PRKCA: variants seen among roughly 807,000 people sequenced by gnomAD.
PRKCA encodes protein kinase C alpha type.
A neutral mutation model predicts 87.0 loss-of-function variants in PRKCA; 27 were observed. That is an observed-to-expected ratio of 0.31 (90% CI 0.23 to 0.43). The LOEUF is 0.43. PRKCA is among the 20% of genes least tolerant of loss of function. The probability of loss-of-function intolerance (pLI) is 1.00; values close to 1 mark genes in which losing one functional copy is unlikely to be tolerated. For synonymous variants in PRKCA, 329 were observed against 311.1 expected (o/e 1.06, Z -0.61); for missense variants, 518 against 852.3 (o/e 0.61, Z 4.88).
intron 14 of PRKCA, 150 bp downstream of exon 14, chr17:66,774,217 C>A: frequency 6.6e-7 from 1 of 1,511,528 alleles, no homozygotes; most frequent in Non-Finnish European, 8.9e-7. Flanking sequence ...GAGAAACGCC[C>A]CCTTCAAAGT....
rs568999963 is a variant in PRKCA at position 66,669,775 on chromosome 17, G to A, written c.530-17336G>A. ...AAATTAGCTGGGCATGGTGATGGGC[G>A]CCTGTAGTCCCAGCTACTCTGGAGG... On this transcript the variant is annotated intron_variant, in intron 5 of 16. Coordinates refer to ENST00000413366, the MANE Select transcript of PRKCA (RefSeq NM_002737.3). 9.2e-5 allele frequency among the ~76,000 whole-genome samples: 14 copies of A among 152,202 alleles called. No homozygotes were observed. The East Asian group carries it at 2.1e-3, about 23-fold the overall frequency.
At chr17:66,440,701 G>C (rs1913691935) in intron 2 of PRKCA, among the ~76,000 whole-genome samples, 1 of 152,106 alleles carries the variant, frequency 6.6e-6, no homozygotes, top group Admixed American at 6.5e-5. Flanking sequence ...GCTAGTGAGA[G>C]CCAGTGAGGG....
At chr17:66,585,804 C>T (rs544790061) in intron 3 of PRKCA, among the ~76,000 whole-genome samples, 99 of 152,304 alleles carry the variant, frequency 6.5e-4, no homozygotes, top group Non-Finnish European at 1.2e-3. Context: ...GTGAAGGTGA[C>T]GGTGTCTACC....
intron 5 of PRKCA, among the ~76,000 whole-genome samples, chr17:66,685,129 A>G (rs548768260): frequency 2.6e-4 from 40 of 152,304 alleles, no homozygotes; most frequent in Non-Finnish European, 4.7e-4. Flanking sequence ...CCGGAACATC[A>G]TGCCTGGGGT....
chr17:66,591,226 C>T (rs553738414), intron 3 of PRKCA, among the ~76,000 whole-genome samples: 1 of 152,094 alleles, frequency 6.6e-6, no homozygotes, highest in East Asian at 1.9e-4. Context: ...GATCAGGGCT[C>T]GCTGTAGCCT....
chr17:66,398,835 TGCTGCTAAAA>T, intron 2 of PRKCA, among the ~76,000 whole-genome samples: 1 of 152,366 alleles, frequency 6.6e-6, no homozygotes, highest in East Asian at 1.9e-4. Flanking sequence ...AGGATCCTGC[TGCTGCTAAAA>T]GCTTCCAGAG....
At chr17:66,661,262 A>T (rs1179497678) in intron 5 of PRKCA, among the ~76,000 whole-genome samples, 1 of 123,842 alleles carries the variant, frequency 8.1e-6, no homozygotes, top group East Asian at 2.8e-4. Context: ...GTCACATGCC[A>T]CCCTGGACCA....
At chr17:66,748,043 A>G (rs997518228) in intron 13 of PRKCA, among the ~76,000 whole-genome samples, 1 of 152,220 alleles carries the variant, frequency 6.6e-6, no homozygotes, top group African/African-American at 2.4e-5. Flanking sequence ...TGGACAGGGC[A>G]GTATTCTCAG....
At chr17:66,639,755 G>C (rs1971240736) in intron 3 of PRKCA, among the ~76,000 whole-genome samples, 1 of 152,080 alleles carries the variant, frequency 6.6e-6, no homozygotes, top group South Asian at 2.1e-4. Flanking sequence ...CCAGCACTTT[G>C]GGAGGCCGAA....
Position 66,709,301 on chromosome 17 carries a change from C to CTTT in PRKCA, c.918+20279_918+20281dup, listed in dbSNP as rs552633887. Among the ~76,000 whole-genome samples the CTTT allele has an allele frequency of 3.1e-3, 261 of 84,910 alleles. 32 individuals carry two copies. The highest frequency in any genetic ancestry group is 0.011 in the African/African-American group (221 of 20,640). 55.7% of individuals were successfully genotyped at this position (84,910 alleles called of 152,430 possible). On this transcript the variant is annotated intron_variant, in intron 8 of 16. Transcript: ENST00000413366. ...AGAGAAGTCTCTTTTGAGATGATTT[C>CTTT]TTTTTTTTTTTTTTTTTTTTTTTTT... is the stretch of plus-strand genomic sequence containing the variant.
At chr17:66,653,521 T>C (rs946661686) in intron 5 of PRKCA, among the ~76,000 whole-genome samples, 2 of 151,938 alleles carry the variant, frequency 1.3e-5, no homozygotes, top group African/African-American at 4.8e-5. Context: ...AACCCAGGAG[T>C]TCGAGGTAAC....
At chr17:66,556,323 CTTTTTTT>C (rs61549626) in intron 3 of PRKCA, among the ~76,000 whole-genome samples, 10 of 129,006 alleles carry the variant, frequency 7.8e-5, no homozygotes, top group African/African-American at 1.1e-4. Context: ...CTTTCTTCTT[CTTTTTTT>C]TTTTTTTTTT....
intron 2 of PRKCA, among the ~76,000 whole-genome samples, chr17:66,393,742 G>T (rs532636645): frequency 6.6e-6 from 1 of 152,212 alleles, no homozygotes; most frequent in East Asian, 1.9e-4. Context: ...AGGCCTGAGT[G>T]CAGCGCCCTC....
chr17:66,450,642 C>T (rs1050551796), intron 2 of PRKCA, among the ~76,000 whole-genome samples: 6 of 152,140 alleles, frequency 3.9e-5, no homozygotes, highest in Admixed American at 1.3e-4. Context: ...TAGTTATTAC[C>T]GGATGACTTT....
At chr17:66,522,158 G>A (rs1967181630) in intron 3 of PRKCA, among the ~76,000 whole-genome samples, 1 of 152,164 alleles carries the variant, frequency 6.6e-6, no homozygotes, top group Non-Finnish European at 1.5e-5. Context: ...GACGGGTCCT[G>A]CAGGTGGATG....
chr17:66,324,973 A>T (rs1490698336), intron 2 of PRKCA, among the ~76,000 whole-genome samples: 1 of 152,164 alleles, frequency 6.6e-6, no homozygotes, highest in African/African-American at 2.4e-5. Context: ...CTAGCTACAG[A>T]TCTCCTCTGT....
At chr17:66,400,702 TTCC>T in intron 2 of PRKCA, among the ~76,000 whole-genome samples, 1 of 152,336 alleles carries the variant, frequency 6.6e-6, no homozygotes, top group Non-Finnish European at 1.5e-5. Flanking sequence ...CTGTACAATT[TTCC>T]ATTGTGGTTA....
chr17:66,456,011 G>GAT (rs2143941974), intron 2 of PRKCA, among the ~76,000 whole-genome samples: 1 of 152,080 alleles, frequency 6.6e-6, no homozygotes, highest in South Asian at 2.1e-4. Flanking sequence ...TGTTGTTCTC[G>GAT]TAAGAAGGCC....
At chr17:66,712,413 A>G (rs1039699885) in intron 8 of PRKCA, among the ~76,000 whole-genome samples, 6 of 152,226 alleles carry the variant, frequency 3.9e-5, no homozygotes, top group Non-Finnish European at 7.3e-5. Flanking sequence ...ATTCCAAAGA[A>G]ACATCTGAAT....
Sources: allele counts gnomAD v4.1 joint callset (sites outside exome capture counted in the v4.1 genomes callset), GRCh38; gene constraint gnomAD v4.1.1; transcripts MANE v1.5; gene names NCBI Gene and HGNC (gene_info 2026-07-23, HGNC 2026-07-21).